UQCC1: variants seen among roughly 807,000 people sequenced by gnomAD.
UQCC1 encodes the protein ubiquinol-cytochrome c reductase complex assembly factor 1.
UQCC1 carries 38 observed loss-of-function variants against 48.0 expected under a neutral mutation model. The observed-to-expected ratio is 0.79, with a 90% CI of 0.61 to 1.04. UQCC1 has a LOEUF of 1.04. Ranked by LOEUF, UQCC1 falls within the 50% of genes least tolerant of loss-of-function variation. The probability of loss-of-function intolerance (pLI) is 0.00; values close to 1 mark genes in which losing one functional copy is unlikely to be tolerated. For missense variants in UQCC1, 368 were observed against 381.8 expected (o/e 0.96, Z 0.30); for synonymous variants, 111 against 129.2 (o/e 0.86, Z 0.95).
At chr20:35,317,981 T>C (rs1038845565) in intron 7 of UQCC1, among the ~76,000 whole-genome samples, 2 of 152,198 alleles carry the variant, frequency 1.3e-5, no homozygotes, top group African/African-American at 2.4e-5. Flanking sequence ...CCTTCTGTCA[T>C]GTGAGGATGA....
chr20:35,402,502 T>C (rs1339706111), intron 1 of UQCC1, among the ~76,000 whole-genome samples: 3 of 150,230 alleles, frequency 2.0e-5, no homozygotes, highest in Non-Finnish European at 3.0e-5. Context: ...GGCGTGAACC[T>C]GGGAGGCGGA....
chr20:35,306,350 G>A, intron 9 of UQCC1: 1 of 301,008 alleles, frequency 3.3e-6, no homozygotes, highest in Non-Finnish European at 6.5e-6. Context: ...CCAGGACTCT[G>A]TGGGCCCAGC....
At position 35,307,401 on chromosome 20, in the gene UQCC1, T is replaced by C. The variant is rs139930072; in HGVS notation, c.652-622A>G. On this transcript the variant is annotated intron_variant, in intron 8 of 9. Transcript: ENST00000374385. ...CAGAGGGCCAGGCTCAGAGCTTGCA[T>C]GTGTGTGTGTGCCTAACGCTGCCTC... Among the ~76,000 whole-genome samples the C allele has an allele frequency of 9.0e-3, 1,375 of 152,250 alleles. 8 individuals carry two copies. Among genetic ancestry groups the C allele is most frequent in the Non-Finnish European group, 0.014 (939 of 68,014 alleles).
intron 6 of UQCC1, among the ~76,000 whole-genome samples, chr20:35,352,334 CT>C (rs1485902488): frequency 1.3e-5 from 2 of 152,170 alleles, no homozygotes; most frequent in African/African-American, 4.8e-5. Context: ...TCATGAAGAG[CT>C]TTGAAATGAC....
intron 5 of UQCC1, 91 bp downstream of exon 5, chr20:35,374,093 G>A (rs2061766893): frequency 1.0e-6 from 1 of 965,754 alleles, no homozygotes; most frequent in Non-Finnish European, 1.6e-6. Context: ...TGTTTCACTA[G>A]GGACTAAAAA....
chr20:35,365,936 T>C (rs2061661538), intron 6 of UQCC1, among the ~76,000 whole-genome samples: 1 of 152,200 alleles, frequency 6.6e-6, no homozygotes, highest in African/African-American at 2.4e-5. Context: ...GGCAGTTCAA[T>C]AAATACATTC....
intron 5 of UQCC1, among the ~76,000 whole-genome samples, chr20:35,370,434 A>G (rs1272374900): frequency 6.6e-6 from 1 of 152,148 alleles, no homozygotes; most frequent in Non-Finnish European, 1.5e-5. Context: ...GATATTTGTC[A>G]TCTTCTGCAT....
At chr20:35,402,482 G>A (rs2062179022) in intron 1 of UQCC1, among the ~76,000 whole-genome samples, 1 of 152,010 alleles carries the variant, frequency 6.6e-6, no homozygotes, top group African/African-American at 2.4e-5. Flanking sequence ...GGAGGCTGAG[G>A]CAGGAGAATG....
intron 7 of UQCC1, among the ~76,000 whole-genome samples, chr20:35,323,641 G>A (rs1229567853): frequency 6.6e-6 from 1 of 152,196 alleles, no homozygotes; most frequent in Admixed American, 6.5e-5. Flanking sequence ...CAATGGGTTG[G>A]CACTGGTCAC....
intron 6 of UQCC1, among the ~76,000 whole-genome samples, chr20:35,348,090 G>T (rs772278804): frequency 6.6e-6 from 1 of 152,098 alleles, no homozygotes; most frequent in African/African-American, 2.4e-5. Context: ...ATCAAATCTG[G>T]TTTTTGTCAA....
chr20:35,375,417 T>C (rs902163147), intron 4 of UQCC1, among the ~76,000 whole-genome samples: 3 of 152,206 alleles, frequency 2.0e-5, no homozygotes, highest in Non-Finnish European at 4.4e-5. Context: ...AGATCTGTCA[T>C]GTTTTTAAGA....
At chr20:35,360,588 A>G (rs2061594246) in intron 6 of UQCC1, among the ~76,000 whole-genome samples, 1 of 152,200 alleles carries the variant, frequency 6.6e-6, no homozygotes, top group Non-Finnish European at 1.5e-5. Flanking sequence ...AAAGTAGTTT[A>G]CAATAACTTC....
chr20:35,407,970 C>A (rs528114094), intron 1 of UQCC1, among the ~76,000 whole-genome samples: 2 of 152,054 alleles, frequency 1.3e-5, no homozygotes, highest in Admixed American at 1.3e-4. Flanking sequence ...TGCGGTGAGC[C>A]GAGATCATGC....
chr20:35,353,533 G>C (rs946654075), intron 6 of UQCC1, among the ~76,000 whole-genome samples: 5 of 152,044 alleles, frequency 3.3e-5, no homozygotes, highest in African/African-American at 1.2e-4. Flanking sequence ...GCTCACACCT[G>C]TAATCCCAGC....
chr20:35,386,074 T>G (rs981922581), intron 2 of UQCC1, among the ~76,000 whole-genome samples: 1 of 152,122 alleles, frequency 6.6e-6, no homozygotes, highest in Non-Finnish European at 1.5e-5. Context: ...TGAAAAATGT[T>G]AAATGCTTAT....
At chr20:35,407,196 G>A (rs1473574965) in intron 1 of UQCC1, among the ~76,000 whole-genome samples, 1 of 152,192 alleles carries the variant, frequency 6.6e-6, no homozygotes, top group African/African-American at 2.4e-5. Flanking sequence ...GGGAGGCTGA[G>A]GTGGGCGGAT....
rs559863039 is a variant in UQCC1, at chr20:35,340,258, CAT to C, written c.573+6904_573+6905del. 2.1e-3 allele frequency among the ~76,000 whole-genome samples: 314 copies of C among 152,284 alleles called. 2 individuals carry two copies. Among genetic ancestry groups the C allele is most frequent in the Non-Finnish European group, 2.7e-3 (181 of 68,026 alleles). On this transcript the variant is annotated intron_variant, in intron 7 of 9. Transcript: ENST00000374385. ...CCTCTTAAGGCCTAGGGGTAGGAAA[CAT>C]GTGTAAAGAAAGGCATGTATCTACC...
intron 2 of UQCC1, chr20:35,392,265 C>T: frequency 7.7e-7 from 1 of 1,304,366 alleles, no homozygotes. Context: ...GCAGAAGTTT[C>T]CAACCAGGGG....
chr20:35,346,541 G>A (rs749945643), intron 7 of UQCC1: 12 of 158,664 alleles, frequency 7.6e-5, no homozygotes, highest in Non-Finnish European at 1.2e-4. Context: ...AACCAACTCC[G>A]GACACACTAT....
Sources: allele counts gnomAD v4.1 joint callset (sites outside exome capture counted in the v4.1 genomes callset), GRCh38; gene constraint gnomAD v4.1.1; transcripts MANE v1.5; gene names NCBI Gene and HGNC (gene_info 2026-07-23, HGNC 2026-07-21).